The following RBBP5 variants were observed in gnomAD, a reference collection of about 807,000 sequenced individuals.
The protein encoded by RBBP5 is retinoblastoma-binding protein 5.
RBBP5 carries 5 observed loss-of-function variants against 72.2 expected under a neutral mutation model. The ratio of observed to expected loss-of-function variants is 0.07; its 90% CI spans 0.04 to 0.15. RBBP5 has a LOEUF of 0.15. Ranked by LOEUF, RBBP5 falls within the 10% of genes least tolerant of loss-of-function variation. RBBP5 has a pLI of 1.00. For synonymous variants in RBBP5, 209 were observed against 237.2 expected, an observed-to-expected ratio of 0.88 and a Z score of 1.09; for missense variants, 322 against 652.2, an observed-to-expected ratio of 0.49 and a Z score of 5.51.
At position 205,116,101 on chromosome 1, in the gene RBBP5, T is replaced by TTTC. The variant is rs1656509769; in HGVS notation, c.20-219_20-218insGAA. ...ATACAGATGCGTTTTCCTGAGACTA[T>TTTC]ATGACCTGGGATATTGAAACAGAGT... On this transcript the variant is annotated intron_variant, in intron 1 of 13. Transcript: ENST00000264515. 5.7e-6 allele frequency: 5 copies of TTTC among 882,030 alleles called. No individual in the cohort carries two copies. The South Asian group carries it at 9.0e-5, about 16-fold the overall frequency. The allele number at this position is 882,030 out of a possible 1,614,324, so 54.6% of individuals were successfully genotyped here. A position where few individuals can be genotyped will look rare whatever the true frequency, so the allele number is the denominator to read the frequency against.
chr1:205,089,680 A>C (rs1381940992), intron 13 of RBBP5, among the ~76,000 whole-genome samples: 1 of 152,216 alleles, frequency 6.6e-6, no homozygotes, highest in Admixed American at 6.5e-5. Flanking sequence ...GCCTGAGAAC[A>C]GACTAAAGTT....
chr1:205,121,977 G>C lies in RBBP5; in HGVS notation c.-104C>G, dbSNP rs12033568. The C allele has an allele frequency of 0.21, 326,469 of 1,546,264 alleles. 39,345 individuals are homozygous for C. The highest frequency in any genetic ancestry group is 0.5 in the East Asian group (21,488 of 43,068). On this transcript the variant is annotated 5_prime_UTR_variant, in exon 1 of 14. Coordinates refer to ENST00000264515, the MANE Select transcript of RBBP5 (RefSeq NM_005057.4). ...AGTGGTGGACGCCGCGAAGAGACTG[G>C]CGCAAGCTCCGAAGACTTTCGGCCT... is the stretch of plus-strand genomic sequence containing the variant.
rs1290771206 is a variant in RBBP5 at position 205,097,345 on chromosome 1, T to C, written c.1147A>G (p.Ile383Val). Residue 383 changes from isoleucine (I) to valine (V), a missense_variant, in exon 11 of 14, where the codon ATT becomes GTT. By Grantham distance (29) the Ile-to-Val change is conservative (BLOSUM62 3). This residue lies in a region of RBBP5 where 30 missense variants were observed against 82.1 expected (regional missense o/e 0.37). Coordinates refer to ENST00000264515, the MANE Select transcript of RBBP5 (RefSeq NM_005057.4). ...GCTCACCTGCTACAGAAGGCAGCAA[T>C]AGGGTCCACGCTGGTGACATCCACT... ...EEVDVTSVDP[I>V]AAFCSSDEEL... The C allele has an allele frequency of 1.9e-6, 3 of 1,552,000 alleles. No homozygotes were observed. The highest frequency in any genetic ancestry group is 2.6e-6 in the Non-Finnish European group (3 of 1,147,096).
At chr1:205,094,283 A>G (rs1263933747) in intron 13 of RBBP5, among the ~76,000 whole-genome samples, 2 of 152,162 alleles carry the variant, frequency 1.3e-5, no homozygotes, top group Non-Finnish European at 2.9e-5. Flanking sequence ...AAAATCAAAA[A>G]CCAAAACAAA....
At chr1:205,109,421 T>C (rs1656215256) in intron 3 of RBBP5, among the ~76,000 whole-genome samples, 1 of 152,130 alleles carries the variant, frequency 6.6e-6, no homozygotes, top group South Asian at 2.1e-4. Flanking sequence ...AGAAGTCTAC[T>C]GGGAATGGCA....
At chr1:205,120,673 T>G (rs1254670113) in intron 1 of RBBP5, among the ~76,000 whole-genome samples, 2 of 151,846 alleles carry the variant, frequency 1.3e-5, no homozygotes, top group African/African-American at 4.8e-5. Context: ...TACCAGCTAC[T>G]CAGGAGGCTG....
intron 1 of RBBP5, among the ~76,000 whole-genome samples, chr1:205,120,881 T>A (rs768193409): frequency 5.3e-5 from 8 of 152,104 alleles, no homozygotes; most frequent in Non-Finnish European, 1.0e-4. Context: ...AGACATTCAC[T>A]CTCTGTTCCA....
intron 3 of RBBP5, among the ~76,000 whole-genome samples, chr1:205,111,861 T>C (rs1656327989): frequency 6.6e-6 from 1 of 152,188 alleles, no homozygotes; most frequent in African/African-American, 2.4e-5. Flanking sequence ...TGGTTTACCT[T>C]GGCTCTTGTC....
intron 12 of RBBP5, 142 bp downstream of exon 12, chr1:205,096,540 A>T: frequency 1.4e-6 from 1 of 714,710 alleles, no homozygotes; most frequent in South Asian, 2.0e-5. Flanking sequence ...CAATCATTAT[A>T]AAGTTGTAAA....
chr1:205,121,881 G>A lies in RBBP5; in HGVS notation c.-8C>T. ...CAGCAACTCGAGGTTCATCCCTGCG[G>A]ACTGTGGCCGCCCGGTCTCAGCTCC... On this transcript the variant is annotated 5_prime_UTR_variant, in exon 1 of 14. Coordinates refer to ENST00000264515, the MANE Select transcript of RBBP5 (RefSeq NM_005057.4). The A allele has an allele frequency of 6.2e-7, 1 of 1,610,936 alleles. No homozygotes were observed. Among genetic ancestry groups the A allele is most frequent in the Non-Finnish European group, 8.5e-7 (1 of 1,179,978 alleles).
chr1:205,105,310 C>G lies in RBBP5; in HGVS notation c.219-142G>C, dbSNP rs1266320490. 1.1e-5 allele frequency: 10 copies of G among 882,336 alleles called. No homozygotes were observed. In the East Asian group the frequency reaches 2.6e-4, roughly 23 times the overall value. 54.7% of individuals were successfully genotyped at this position (882,336 alleles called of 1,614,324 possible). On this transcript the variant is annotated intron_variant, in intron 3 of 13. Coordinates refer to ENST00000264515, the MANE Select transcript of RBBP5 (RefSeq NM_005057.4). ...GTTTTGTTCCACGTATACTCAAATC[C>G]ATAAGCTTTTCCAACTAGGCAATTA...
chr1:205,098,025 T>A (rs537397843), intron 10 of RBBP5, among the ~76,000 whole-genome samples: 59 of 152,170 alleles, frequency 3.9e-4, no homozygotes, highest in African/African-American at 1.3e-3. Flanking sequence ...ACCACGGGGA[T>A]TAAAAAGTCA....
At chr1:205,097,062 C>A (rs1382983217) in intron 11 of RBBP5, 151 bp from the exon 12 acceptor site, 1 of 755,256 alleles carries the variant, frequency 1.3e-6, no homozygotes, top group African/African-American at 1.8e-5. Context: ...GGGAATCAAA[C>A]AATGTAATTG....
chr1:205,095,528 T>C (rs1395068996), intron 12 of RBBP5, among the ~76,000 whole-genome samples: 1 of 152,132 alleles, frequency 6.6e-6, no homozygotes. Flanking sequence ...AACTCTAAAC[T>C]GAACAAGTAG....
chr1:205,088,693 G>T lies in RBBP5; in HGVS notation c.*94C>A. The stretch of plus-strand genomic sequence containing the variant: ...TCCTGGGTGGGAGGCACAGGCCTTT[G>T]TTTTAAATTAAAGTCAATTTTCAAA... On this transcript the variant is annotated 3_prime_UTR_variant, in exon 14 of 14. Transcript: ENST00000264515. The T allele has an allele frequency of 7.3e-7, 1 of 1,366,678 alleles. No homozygotes were observed. Among genetic ancestry groups the T allele is most frequent in the Non-Finnish European group, 1.0e-6 (1 of 983,522 alleles). The allele number at this position is 1,366,678 out of a possible 1,614,324, so 84.7% of individuals were successfully genotyped here.
chr1:205,103,733 C>T (rs1308059405), intron 5 of RBBP5, 124 bp downstream of exon 5: 1 of 1,108,310 alleles, frequency 9.0e-7, no homozygotes, highest in Non-Finnish European at 1.3e-6. Context: ...AATTAGACTA[C>T]ATTTGCTGCA....
chr1:205,101,779 C>T, intron 5 of RBBP5, 70 bp from the exon 6 acceptor site: 1 of 1,122,238 alleles, frequency 8.9e-7, no homozygotes, highest in Non-Finnish European at 1.3e-6. Context: ...TGGCTTGTTT[C>T]TAATACTGCG....
At chr1:205,094,806 TG>T in intron 13 of RBBP5, 66 bp downstream of exon 13, 1 of 1,433,434 alleles carries the variant, frequency 7.0e-7, no homozygotes, top group Non-Finnish European at 9.4e-7. Context: ...TGCAGTTAAA[TG>T]AAGTCAAGGG....
At chr1:205,118,592 A>G (rs1656619358) in intron 1 of RBBP5, among the ~76,000 whole-genome samples, 2 of 152,190 alleles carry the variant, frequency 1.3e-5, no homozygotes, top group African/African-American at 4.8e-5. Context: ...ACTGCACTCC[A>G]GCCTGGGCGA....
Sources: allele counts gnomAD v4.1 joint callset (sites outside exome capture counted in the v4.1 genomes callset), GRCh38; gene constraint gnomAD v4.1.1; regional missense constraint gnomAD v4.1.1; transcripts MANE v1.5; gene names NCBI Gene and HGNC (gene_info 2026-07-23, HGNC 2026-07-21).